The following YY1 variants were observed in gnomAD, a reference collection of about 807,000 sequenced individuals.
YY1 encodes YY1 transcription factor.
In YY1, 2 loss-of-function variants were observed where a neutral mutation model predicts 35.6. That is an observed-to-expected ratio of 0.06 (90% CI 0.02 to 0.18). The LOEUF is 0.18. Among genes scored for constraint, YY1 ranks in the 10% least tolerant of loss-of-function variants. The pLI is 1.00. For synonymous variants in YY1, 268 were observed against 238.9 expected (o/e 1.12, Z -1.12); for missense variants, 322 against 573.4 (o/e 0.56, Z 4.48).
At chr14:100,243,246 A>C (rs561248859) in intron 1 of YY1, among the ~76,000 whole-genome samples, 65 of 152,358 alleles carry the variant, frequency 4.3e-4, no homozygotes, top group Admixed American at 2.1e-3. Context: ...ATCTGTATGT[A>C]TGTGTACATA....
At chr14:100,270,531 G>T (rs1393172000) in intron 2 of YY1, among the ~76,000 whole-genome samples, 2 of 151,604 alleles carry the variant, frequency 1.3e-5, no homozygotes, top group Admixed American at 6.6e-5. Flanking sequence ...GCTGAGGCAG[G>T]AGAATCGCTT....
At chr14:100,274,659 T>C (rs1431616759) in intron 2 of YY1, 39 bp from the exon 3 acceptor site, 12 of 1,582,978 alleles carry the variant, frequency 7.6e-6, no homozygotes, top group Non-Finnish European at 1.0e-5. Context: ...GTCTACCCAC[T>C]CCTACAAATC....
chr14:100,276,747 C>T lies in YY1; in HGVS notation c.1062+99C>T. On this transcript the variant is annotated intron_variant, in intron 4 of 4. Coordinates refer to ENST00000262238, the MANE Select transcript of YY1 (RefSeq NM_003403.5). The surrounding 1 kb of genome is among the most constrained non-coding windows in gnomAD (Gnocchi z 4.1). ...GAGGCAGGAGGCGCCAGCCCAGAGACTCAGGGTCTTATTACTCCTTGGTGA... is the reference window on the plus strand; with the variant it reads ...GAGGCAGGAGGCGCCAGCCCAGAGATTCAGGGTCTTATTACTCCTTGGTGA... 6.4e-7 allele frequency: 1 copy of T among 1,573,498 alleles called. No homozygotes were observed. Among genetic ancestry groups the T allele is most frequent in the African/African-American group, 1.3e-5 (1 of 74,346 alleles).
At position 100,239,485 on chromosome 14, in the gene YY1, C is replaced by T; in HGVS notation, c.241C>T (p.Pro81Ser). 1.2e-6 allele frequency: 2 copies of T among 1,607,322 alleles called. No homozygotes were observed. The highest frequency in any genetic ancestry group is 1.1e-5 in the South Asian group (1 of 90,738). Reference sequence around the variant, plus strand: ...CCACCACCATCACCACCACCACCACCCGCCCATGATCGCTCTGCAGCCGCT... The same window carrying T: ...CCACCACCATCACCACCACCACCACTCGCCCATGATCGCTCTGCAGCCGCT... Reference protein sequence around the residue: ...HHHHHHHHHHPPMIALQPLVT... With the variant: ...HHHHHHHHHHSPMIALQPLVT... Residue 81 changes from proline (P) to serine (S), a missense_variant, in exon 1 of 5, where the codon CCG becomes TCG. Around this residue, in one of 4 missense-constraint regions of YY1, gnomAD observed 137 missense variants for 167.0 expected, o/e 0.82. Coordinates refer to ENST00000262238, the MANE Select transcript of YY1 (RefSeq NM_003403.5).
chr14:100,267,278 T>C (rs1036879890), intron 2 of YY1, among the ~76,000 whole-genome samples: 1 of 152,204 alleles, frequency 6.6e-6, no homozygotes, highest in African/African-American at 2.4e-5. Flanking sequence ...TTGCAGCTCC[T>C]ATGTTGTATA....
At chr14:100,265,678 C>T (rs2139593114) in intron 2 of YY1, among the ~76,000 whole-genome samples, 1 of 134,382 alleles carries the variant, frequency 7.4e-6, no homozygotes. Context: ...GAGATGGAGT[C>T]TCACTCTGTC....
intron 2 of YY1, among the ~76,000 whole-genome samples, chr14:100,273,985 C>T (rs1441940583): frequency 6.6e-6 from 1 of 152,138 alleles, no homozygotes; most frequent in Non-Finnish European, 1.5e-5. Flanking sequence ...TGAGAACTTC[C>T]AAGCCCCCAT....
At chr14:100,253,119 G>C (rs749479400) in intron 1 of YY1, among the ~76,000 whole-genome samples, 5 of 152,196 alleles carry the variant, frequency 3.3e-5, no homozygotes, top group Non-Finnish European at 7.3e-5. Context: ...AAAAGATCCT[G>C]TCCTCAAGGG....
At position 100,252,524 on chromosome 14, in the gene YY1, C is replaced by T. The variant is rs181435251; in HGVS notation, c.680-9780C>T. 3.3e-5 allele frequency among the ~76,000 whole-genome samples: 5 copies of T among 152,296 alleles called. No homozygotes were observed. The East Asian group carries it at 7.7e-4, about 23-fold the overall frequency. On this transcript the variant is annotated intron_variant, in intron 1 of 4. Coordinates refer to ENST00000262238, the MANE Select transcript of YY1 (RefSeq NM_003403.5). ...TTGGTCTAGTTGTTTTAGGTCATTG[C>T]ATTTAGCCAGAGTGTGAGTGAGCAC...
rs1891350542 is a variant in YY1, at chr14:100,278,068, T to C, written c.*468T>C. ...TGATTTTTCTGGAGGTTGATAACTT[T>C]GCTTGCAGTAGATTTTCTTTAAAAG... On this transcript the variant is annotated 3_prime_UTR_variant, in exon 5 of 5. Transcript: ENST00000262238. 1 of 157,022 alleles carries C rather than the reference T, an allele frequency of 6.4e-6. No homozygotes were observed. Among genetic ancestry groups the C allele is most frequent in the African/African-American group, 2.4e-5 (1 of 41,482 alleles). 9.7% of individuals were successfully genotyped at this position (157,022 alleles called of 1,614,324 possible).
At chr14:100,240,005 C>A in intron 1 of YY1, 82 bp downstream of exon 1, 2 of 1,344,334 alleles carry the variant, frequency 1.5e-6, no homozygotes, top group Non-Finnish European at 2.0e-6. Context: ...ATGGGCGCCG[C>A]CATCTTCTTC....
At chr14:100,262,793 AG>A (rs1464633684) in intron 2 of YY1, among the ~76,000 whole-genome samples, 1 of 152,168 alleles carries the variant, frequency 6.6e-6, no homozygotes, top group East Asian at 1.9e-4. Context: ...AGATCCTTGC[AG>A]TAAGATGAAG....
chr14:100,262,898 T>A (rs1405711585), intron 2 of YY1, among the ~76,000 whole-genome samples: 1 of 152,074 alleles, frequency 6.6e-6, no homozygotes, highest in Non-Finnish European at 1.5e-5. Flanking sequence ...TATGGCTTCT[T>A]GGTACACATT....
Position 100,282,061 on chromosome 14 carries a change from G to A in YY1, c.*4461G>A, listed in dbSNP as rs894243791. 3.3e-5 allele frequency: 5 copies of A among 152,226 alleles called. No homozygotes were observed. The highest frequency in any genetic ancestry group is 9.7e-5 in the African/African-American group (4 of 41,448). 9.4% of individuals were successfully genotyped at this position (152,226 alleles called of 1,614,324 possible). A position where few individuals can be genotyped will look rare whatever the true frequency, so the allele number is the denominator to read the frequency against. ...GCGTTTAAGCTGAGCGTTAGCATCA[G>A]GTCAGCAGGCAAAGCAAACCTCCCA... On this transcript the variant is annotated 3_prime_UTR_variant, in exon 5 of 5. Coordinates refer to ENST00000262238, the MANE Select transcript of YY1 (RefSeq NM_003403.5).
intron 1 of YY1, among the ~76,000 whole-genome samples, chr14:100,250,084 C>G (rs1890902001): frequency 6.6e-6 from 1 of 152,186 alleles, no homozygotes; most frequent in South Asian, 2.1e-4. Context: ...ACTTACTGCT[C>G]TTTAGATACA....
At chr14:100,250,841 A>T (rs770078371) in intron 1 of YY1, among the ~76,000 whole-genome samples, 156 of 128,332 alleles carry the variant, frequency 1.2e-3, no homozygotes, top group Middle Eastern at 3.8e-3. Flanking sequence ...ACAGAAAATT[A>T]AAAAAAAAAA....
At chr14:100,243,220 G>T (rs1009778808) in intron 1 of YY1, among the ~76,000 whole-genome samples, 1 of 152,224 alleles carries the variant, frequency 6.6e-6, no homozygotes, top group African/African-American at 2.4e-5. Flanking sequence ...ATGAAAGTGG[G>T]TTAATTGTTG....
intron 1 of YY1, among the ~76,000 whole-genome samples, chr14:100,243,384 T>A (rs552726101): frequency 6.6e-6 from 1 of 152,372 alleles, no homozygotes; most frequent in Non-Finnish European, 1.5e-5. Flanking sequence ...AACTGTGAAG[T>A]AACAGTTTTG....
chr14:100,271,331 T>A (rs751900466), intron 2 of YY1, among the ~76,000 whole-genome samples: 3 of 152,216 alleles, frequency 2.0e-5, no homozygotes, highest in African/African-American at 4.8e-5. Flanking sequence ...TCACTGTTAT[T>A]TTCCAAACTG....
Sources: allele counts gnomAD v4.1 joint callset (sites outside exome capture counted in the v4.1 genomes callset), GRCh38; gene constraint gnomAD v4.1.1; regional missense constraint gnomAD v4.1.1; non-coding constraint Gnocchi (gnomAD v3.1); transcripts MANE v1.5; gene names NCBI Gene and HGNC (gene_info 2026-07-23, HGNC 2026-07-21).